Variants in CDC45 observed in about 807,000 individuals in gnomAD.
CDC45 encodes the protein cell division control protein 45 homolog.
A neutral mutation model predicts 77.8 loss-of-function variants in CDC45; 54 were observed. That is an observed-to-expected ratio of 0.69 (90% CI 0.56 to 0.87). The LOEUF (loss-of-function observed/expected upper bound fraction) is 0.87. Among genes scored for constraint, CDC45 ranks in the 40% least tolerant of loss-of-function variants. The pLI is 0.00. For missense variants in CDC45, 649 were observed against 721.6 expected (o/e 0.90, Z 1.15); for synonymous variants, 260 against 272.1 (o/e 0.96, Z 0.44).
chr22:19,490,410 T>C (rs1173882285), intron 5 of CDC45, among the ~76,000 whole-genome samples: 1 of 152,128 alleles, frequency 6.6e-6, no homozygotes, highest in South Asian at 2.1e-4. Flanking sequence ...AGTTTCGCTC[T>C]GTTGCCCAGG....
At chr22:19,505,314 T>G in intron 9 of CDC45, 48 bp from the exon 10 acceptor site, 1 of 1,613,246 alleles carries the variant, frequency 6.2e-7, no homozygotes, top group Non-Finnish European at 8.5e-7. Context: ...GGCTGCCTGG[T>G]AAGAGCTGGA....
At position 19,517,468 on chromosome 22, in the gene CDC45, G is replaced by A. The variant is rs144397208; in HGVS notation, c.1636+575G>A. ...ATGGTTCACATTCGGCTGTGTTGGC[G>A]TTCTTATTATTGTTGACAGGTTTTA... On this transcript the variant is annotated intron_variant, in intron 17 of 18. Transcript: ENST00000263201. Among the ~76,000 whole-genome samples the A allele has an allele frequency of 3.9e-3, 589 of 152,342 alleles. 3 individuals carry two copies. Among genetic ancestry groups the A allele is most frequent in the Middle Eastern group, 0.014 (4 of 294 alleles).
chr22:19,514,944 C>T, intron 14 of CDC45, 21 bp from the exon 15 acceptor site: 1 of 1,614,230 alleles, frequency 6.2e-7, no homozygotes, highest in Non-Finnish European at 8.5e-7. Flanking sequence ...CTTCGTCTGA[C>T]CATCTGTCTC....
rs527847710 is a variant in CDC45, at chr22:19,518,079, G to A, written c.1637-765G>A. The stretch of plus-strand genomic sequence containing the variant: ...GCACTGTGTGGCATTGGTTCACCCC[G>A]CACAGCAGCCCCTGCTAACTCTTTT... On this transcript the variant is annotated intron_variant, in intron 17 of 18. Transcript: ENST00000263201. Among the ~76,000 whole-genome samples, 7 of 152,346 alleles carry A rather than the reference G, an allele frequency of 4.6e-5. No homozygotes were observed. In the East Asian group the frequency reaches 9.7e-4, roughly 21 times the overall value.
intron 9 of CDC45, 93 bp downstream of exon 9, chr22:19,499,244 C>T (rs1258152152): frequency 2.3e-6 from 3 of 1,280,126 alleles, no homozygotes; most frequent in Non-Finnish European, 3.4e-6. Flanking sequence ...AGCAGGGTCC[C>T]TGTAGGGTCC....
intron 10 of CDC45, 38 bp from the exon 11 acceptor site, chr22:19,507,348 C>T: frequency 6.2e-7 from 1 of 1,605,396 alleles, no homozygotes. Context: ...CTCAGGGCGG[C>T]CAGTGGGTGC....
chr22:19,482,961 C>G, intron 4 of CDC45, 134 bp downstream of exon 4: 1 of 633,522 alleles, frequency 1.6e-6, no homozygotes, highest in South Asian at 2.2e-5. Context: ...AGAACTTGGT[C>G]TTTGTCATCT....
chr22:19,507,637 G>T lies in CDC45; in HGVS notation c.956+120G>T, dbSNP rs113391273. The T allele has an allele frequency of 1.4e-5, 20 of 1,414,022 alleles. 1 individual carries two copies. The African/African-American group carries it at 1.6e-4, about 11-fold the overall frequency. The allele number at this position is 1,414,022 out of a possible 1,614,324, so 87.6% of individuals were successfully genotyped here. The stretch of plus-strand genomic sequence containing the variant: ...CAGCCTGTTCTGCCATAAGCTCCTT[G>T]CCCTAGATCCCAGAATATCTTCTGA... On this transcript the variant is annotated intron_variant, in intron 11 of 18. Coordinates refer to ENST00000263201, the MANE Select transcript of CDC45 (RefSeq NM_003504.5).
chr22:19,508,775 G>A, intron 13 of CDC45, 84 bp downstream of exon 13: 1 of 1,325,764 alleles, frequency 7.5e-7, no homozygotes, highest in East Asian at 2.5e-5. Context: ...GGGACCCCAG[G>A]GCTGTGGGAG....
In CDC45 at chr22:19,480,152, C is replaced by G. The variant is rs776646954; in HGVS notation, c.52-6C>G. ...CGTGTTCAGCCGGTCTGCTCTTCCCCGATAGAGGGTCCTTCTCTTCGTGGC... is the reference window on the plus strand; with the variant it reads ...CGTGTTCAGCCGGTCTGCTCTTCCCGGATAGAGGGTCCTTCTCTTCGTGGC... On this transcript the variant is annotated splice_polypyrimidine_tract_variant and splice_region_variant and intron_variant, in intron 1 of 18. Transcript: ENST00000263201. 1.6e-5 allele frequency: 26 copies of G among 1,613,958 alleles called. 1 individual carries two copies. The South Asian group carries it at 2.1e-4, about 13-fold the overall frequency.
chr22:19,485,079 T>C (rs577255060), intron 5 of CDC45, among the ~76,000 whole-genome samples: 1 of 152,282 alleles, frequency 6.6e-6, no homozygotes, highest in African/African-American at 2.4e-5. Context: ...TTGGTCTTTA[T>C]CTTCTAATCT....
intron 3 of CDC45, among the ~76,000 whole-genome samples, chr22:19,482,400 A>G (rs1196703200): frequency 6.6e-6 from 1 of 152,254 alleles, no homozygotes; most frequent in Non-Finnish European, 1.5e-5. Flanking sequence ...ACGTGCTCGA[A>G]GTCTTGGTCT....
At chr22:19,492,529 G>T (rs917407729) in intron 5 of CDC45, among the ~76,000 whole-genome samples, 11 of 151,944 alleles carry the variant, frequency 7.2e-5, no homozygotes, top group African/African-American at 2.7e-4. Context: ...GTCATTGCTC[G>T]TTGAAGCATT....
chr22:19,489,204 A>G (rs1350279124), intron 5 of CDC45, among the ~76,000 whole-genome samples: 2 of 152,152 alleles, frequency 1.3e-5, no homozygotes, highest in Non-Finnish European at 2.9e-5. Context: ...AAATTTATAA[A>G]TCATGTGATT....
chr22:19,513,724 C>T (rs764695446), intron 13 of CDC45, among the ~76,000 whole-genome samples: 4 of 152,178 alleles, frequency 2.6e-5, no homozygotes, highest in African/African-American at 7.2e-5. Flanking sequence ...AAAGAAAGGG[C>T]GCATGTGAGA....
At chr22:19,502,468 CACA>C (rs1355250029) in intron 9 of CDC45, among the ~76,000 whole-genome samples, 5 of 152,184 alleles carry the variant, frequency 3.3e-5, no homozygotes, top group African/African-American at 1.2e-4. Context: ...CAACACATAA[CACA>C]ACATGTACAT....
chr22:19,491,149 A>T (rs2090147745), intron 5 of CDC45, among the ~76,000 whole-genome samples: 1 of 151,728 alleles, frequency 6.6e-6, no homozygotes, highest in South Asian at 2.1e-4. Flanking sequence ...AATGTCTTTT[A>T]CTCTGCCCCA....
chr22:19,480,243 C>T, intron 2 of CDC45, 26 bp downstream of exon 2: 1 of 1,608,808 alleles, frequency 6.2e-7, no homozygotes, highest in South Asian at 1.1e-5. Context: ...CCTAGGAGGG[C>T]GGGGCCGGCG....
chr22:19,516,061 G>T (rs1009683120), intron 15 of CDC45, among the ~76,000 whole-genome samples: 27 of 152,020 alleles, frequency 1.8e-4, no homozygotes, highest in Admixed American at 5.2e-4. Context: ...GTGCCGGCGG[G>T]GGGGACGAGG....
Sources: allele counts gnomAD v4.1 joint callset (sites outside exome capture counted in the v4.1 genomes callset), GRCh38; gene constraint gnomAD v4.1.1; transcripts MANE v1.5; gene names NCBI Gene and HGNC (gene_info 2026-07-23, HGNC 2026-07-21).